The following HPX variants were observed in gnomAD, a reference collection of about 807,000 sequenced individuals.
HPX encodes beta-1B-glycoprotein.
Under a neutral mutation model 53.8 loss-of-function variants are expected in HPX, and 42 were observed. The observed-to-expected ratio is 0.78, with a 90% CI of 0.61 to 1.01. The LOEUF is 1.01. Ranked by LOEUF, HPX falls within the 50% of genes least tolerant of loss-of-function variation. The pLI, the probability that HPX is intolerant of heterozygous loss-of-function variation, is 0.00. For synonymous variants in HPX, 229 were observed against 221.1 expected, an observed-to-expected ratio of 1.04 and a Z score of -0.32; for missense variants, 547 against 594.3, an observed-to-expected ratio of 0.92 and a Z score of 0.83.
At chr11:6,435,284 C>G (rs914324174) in intron 7 of HPX, among the ~76,000 whole-genome samples, 3 of 151,670 alleles carry the variant, frequency 2.0e-5, no homozygotes, top group Admixed American at 1.3e-4. Flanking sequence ...CAAACAACAG[C>G]AACAACAACA....
chr11:6,439,292 AAGGCCCAGAT>A (rs1849455710), intron 4 of HPX, among the ~76,000 whole-genome samples: 1 of 152,210 alleles, frequency 6.6e-6, no homozygotes, highest in Non-Finnish European at 1.5e-5. Flanking sequence ...GAAGATAACC[AAGGCCCAGAT>A]CATGAGACCC....
At chr11:6,435,957 C>T (rs776068913) in intron 7 of HPX, among the ~76,000 whole-genome samples, 25 of 152,148 alleles carry the variant, frequency 1.6e-4, no homozygotes, top group Middle Eastern at 3.4e-3. Flanking sequence ...CAATCTCTCA[C>T]TCACTCTCTC....
chr11:6,439,845 T>TTAAAAA, intron 4 of HPX: 1 of 379,982 alleles, frequency 2.6e-6, no homozygotes, highest in Non-Finnish European at 5.1e-6. Flanking sequence ...TGCCTTGCCC[T>TTAAAAA]ATGAAGAGGA....
Position 6,431,413 on chromosome 11 carries a change from A to G in HPX, c.1187T>C (p.Leu396Pro). ...GTCTACCTTCTCATGGGGCCAAGGA[A>G]GCTCTGTCCACGTGGCTTGGGCTCC... ...KSGAQATWTE[L>P]PWPHEKVDGA... is the part of the protein sequence containing the mutation. Residue 396 changes from leucine to proline, a missense_variant, in exon 10 of 10, where the codon CTT becomes CCT. Transcript: ENST00000265983. 6.2e-7 allele frequency: 1 copy of G among 1,614,232 alleles called. No homozygotes were observed. Among genetic ancestry groups the G allele is most frequent in the Non-Finnish European group, 8.5e-7 (1 of 1,180,036 alleles).
rs572773590 is a variant in HPX, at chr11:6,433,691, T to C, written c.836-1674A>G. Among the ~76,000 whole-genome samples the C allele has an allele frequency of 5.9e-5, 9 of 152,360 alleles. No individual in the cohort carries two copies. In the South Asian group the frequency reaches 1.9e-3, roughly 32 times the overall value. ...GAGTGATCTTTTATAAAAAATGAGT[T>C]AGAATATATCACAGCCCTGCTCAAG... On this transcript the variant is annotated intron_variant, in intron 7 of 9. Transcript: ENST00000265983.
chr11:6,438,057 A>G (rs1277736064), intron 5 of HPX: 6 of 506,186 alleles, frequency 1.2e-5, no homozygotes, highest in African/African-American at 3.8e-5. Flanking sequence ...TGAAGGGCCA[A>G]TAGGGATTTG....
chr11:6,432,165 G>T, intron 7 of HPX, 148 bp from the exon 8 acceptor site: 5 of 831,510 alleles, frequency 6.0e-6, no homozygotes, highest in Non-Finnish European at 9.4e-6. Context: ...GAGAAATAGA[G>T]CAAGACTTGG....
intron 4 of HPX, among the ~76,000 whole-genome samples, chr11:6,439,018 G>C (rs1849452641): frequency 6.6e-6 from 1 of 152,194 alleles, no homozygotes; most frequent in Non-Finnish European, 1.5e-5. Context: ...CCAAGGTGTA[G>C]TGTAAAGAGT....
At chr11:6,435,086 T>A (rs1332550900) in intron 7 of HPX, among the ~76,000 whole-genome samples, 1 of 151,672 alleles carries the variant, frequency 6.6e-6, no homozygotes, top group East Asian at 1.9e-4. Flanking sequence ...AAAATTAAAT[T>A]AATAAATAGT....
intron 9 of HPX, 38 bp from the exon 10 acceptor site, chr11:6,431,508 T>G (rs201325145): frequency 4.0e-5 from 65 of 1,612,602 alleles, no homozygotes; most frequent in Non-Finnish European, 7.6e-6. Context: ...GGCTTCCATG[T>G]CATGGGGATC....
In HPX at chr11:6,438,086, T is replaced by C. The variant is rs559077901; in HGVS notation, c.490+270A>G. 7.5e-6 allele frequency: 4 copies of C among 531,962 alleles called. No individual in the cohort carries two copies. In the South Asian group the frequency reaches 1.0e-4, roughly 13 times the overall value. 33.0% of individuals were successfully genotyped at this position (531,962 alleles called of 1,614,324 possible). A position where few individuals can be genotyped will look rare whatever the true frequency, so the allele number is the denominator to read the frequency against. ...GGATTTGGCCATGGAGAGACTTGTA[T>C]GTAAGACTAAAGAGGGTAGATTTGT... is the stretch of plus-strand genomic sequence containing the variant. On this transcript the variant is annotated intron_variant, in intron 5 of 9. Transcript: ENST00000265983.
chr11:6,431,142 A>T lies in HPX; in HGVS notation c.*69T>A. On this transcript the variant is annotated 3_prime_UTR_variant, in exon 10 of 10. Coordinates refer to ENST00000265983, the MANE Select transcript of HPX (RefSeq NM_000613.3). ...CAGAAGGCCCCTCAGTGAGAAGCGA[A>T]GAAGCAATCTGTCTTTATTATGAGG... 1 of 1,585,242 alleles carries T rather than the reference A, an allele frequency of 6.3e-7. No homozygotes were observed. Among genetic ancestry groups the T allele is most frequent in the East Asian group, 2.3e-5 (1 of 44,438 alleles).
At chr11:6,434,994 C>A (rs931179853) in intron 7 of HPX, among the ~76,000 whole-genome samples, 6 of 151,800 alleles carry the variant, frequency 4.0e-5, no homozygotes, top group African/African-American at 1.5e-4. Flanking sequence ...TTTGGGAGGC[C>A]GAGGCAGGCG....
chr11:6,431,313 A>G lies in HPX; in HGVS notation c.1287T>C (p.His429=). ...SANGPGLYLI[H]GPNLYCYSDV... ...CACTGTAGCAGTACAAATTGGGACC[A>G]TGGATGAGGTACAAGCCGGGACCAT... The change falls in exon 10 of 10, where the codon CAT becomes CAC. Residue 429 remains histidine (H), a synonymous_variant. Coordinates refer to ENST00000265983, the MANE Select transcript of HPX (RefSeq NM_000613.3). 4.3e-6 allele frequency: 7 copies of G among 1,614,252 alleles called. No individual in the cohort carries two copies. Among genetic ancestry groups the G allele is most frequent in the Non-Finnish European group, 5.1e-6 (6 of 1,180,046 alleles).
chr11:6,431,066 T>A lies in HPX; in HGVS notation c.*145A>T. 1 of 1,068,718 alleles carries A rather than the reference T, an allele frequency of 9.4e-7. No homozygotes were observed. Among genetic ancestry groups the A allele is most frequent in the Non-Finnish European group, 1.3e-6 (1 of 760,638 alleles). The allele number at this position is 1,068,718 out of a possible 1,614,324, so 66.2% of individuals were successfully genotyped here. ...TCCCTTGATTCAAGTGAAGAAGCAA[T>A]CTGTCTTTATTATGAGAAACTGGGG... On this transcript the variant is annotated 3_prime_UTR_variant, in exon 10 of 10. Transcript: ENST00000265983.
rs1590805693 is a variant in HPX, at chr11:6,438,465, T to C, written c.381A>G (p.Gly127=). 5.0e-6 allele frequency: 8 copies of C among 1,614,150 alleles called. No homozygotes were observed. Among genetic ancestry groups the C allele is most frequent in the Non-Finnish European group, 6.8e-6 (8 of 1,179,954 alleles). ...ATTCATCTTGGAGCAACTTTGGGTA[T>C]CCTTTCTCCTTCTTTTCAGGAGGGT... The part of the protein sequence containing the change: ...WVYPPEKKEK[G]YPKLLQDEFP... The change falls in exon 5 of 10, where the codon GGA becomes GGG. Residue 127 remains glycine (G), a synonymous_variant. Coordinates refer to ENST00000265983, the MANE Select transcript of HPX (RefSeq NM_000613.3).
intron 7 of HPX, among the ~76,000 whole-genome samples, chr11:6,434,578 C>G (rs533560055): frequency 6.6e-6 from 1 of 152,066 alleles, no homozygotes. Flanking sequence ...TGATCTGCCC[C>G]CCTCGGCCTC....
chr11:6,438,226 C>T, intron 5 of HPX, 130 bp downstream of exon 5: 1 of 931,184 alleles, frequency 1.1e-6, no homozygotes, highest in Non-Finnish European at 1.7e-6. Flanking sequence ...TACGTGGCTT[C>T]TCTATTTCCC....
At chr11:6,439,815 C>T (rs369466700) in intron 4 of HPX, 7 of 349,962 alleles carry the variant, frequency 2.0e-5, no homozygotes, top group East Asian at 1.5e-4. Flanking sequence ...TAGCCAGGTG[C>T]CATTGTGTTG....
Sources: allele counts gnomAD v4.1 joint callset (sites outside exome capture counted in the v4.1 genomes callset), GRCh38; gene constraint gnomAD v4.1.1; transcripts MANE v1.5; gene names NCBI Gene and HGNC (gene_info 2026-07-23, HGNC 2026-07-21).